ERCC2: variants seen among roughly 807,000 people sequenced by gnomAD.
ERCC2 encodes the protein ERCC excision repair 2, TFIIH core complex helicase subunit.
In ERCC2, 90 loss-of-function variants were observed where a neutral mutation model predicts 99.4. The ratio of observed to expected loss-of-function variants is 0.91; its 90% confidence interval spans 0.76 to 1.08. The LOEUF (loss-of-function observed/expected upper bound fraction) is 1.08, where lower values mean the gene tolerates loss of function less well. Ranked by LOEUF, ERCC2 falls within the 50% of genes least tolerant of loss-of-function variation. The probability of loss-of-function intolerance (pLI) is 0.00; values close to 1 mark genes in which losing one functional copy is unlikely to be tolerated. For synonymous variants in ERCC2, 497 were observed against 432.4 expected, an observed-to-expected ratio of 1.15 and a Z score of -1.85; for missense variants, 993 against 1,038.1, an observed-to-expected ratio of 0.96 and a Z score of 0.60.
At chr19:45,363,694 T>C in intron 11 of ERCC2, 49 bp downstream of exon 11, 1 of 1,512,228 alleles carries the variant, frequency 6.6e-7, no homozygotes, top group Non-Finnish European at 8.8e-7. Flanking sequence ...CGGCTCTGCA[T>C]AACCGGGACC....
chr19:45,365,010 G>T, intron 6 of ERCC2, 32 bp downstream of exon 6: 1 of 1,609,372 alleles, frequency 6.2e-7, no homozygotes, highest in Non-Finnish European at 8.5e-7. Context: ...TACCTGTCCT[G>T]CCTCCCTCCC....
chr19:45,351,931 G>A lies in ERCC2; in HGVS notation c.2191-210C>T, dbSNP rs936537098. ...CAGCTAGGGAGTCGGAGAAGGACCG[G>A]CTTTCTCCAGGCCAGCACCGTCTCT... is the stretch of plus-strand genomic sequence containing the variant. On this transcript the variant is annotated intron_variant, in intron 22 of 22. Coordinates refer to ENST00000391945, the MANE Select transcript of ERCC2 (RefSeq NM_000400.4). Among the ~76,000 whole-genome samples, 3 of 152,192 alleles carry A rather than the reference G, an allele frequency of 2.0e-5. No homozygotes were observed. In the East Asian group the frequency reaches 5.8e-4, roughly 29 times the overall value.
At position 45,351,225 on chromosome 19, in the gene ERCC2, A is replaced by AG; in HGVS notation, c.*403dup. The AG allele has an allele frequency of 6.3e-7, 1 of 1,591,062 alleles. No individual in the cohort carries two copies. Among genetic ancestry groups the AG allele is most frequent in the African/African-American group, 1.3e-5 (1 of 74,076 alleles). On this transcript the variant is annotated 3_prime_UTR_variant, in exon 23 of 23. Coordinates refer to ENST00000391945, the MANE Select transcript of ERCC2 (RefSeq NM_000400.4). ...GCTGCCAGGCTGGACCTGGAGCTGGAGGGTGGATGTAACACTTGCCCCTCA... is the reference window on the plus strand; with the variant it reads ...GCTGCCAGGCTGGACCTGGAGCTGGAGGGGTGGATGTAACACTTGCCCCTCA...
In ERCC2 at chr19:45,361,669, G is replaced by C. The variant is rs555213197; in HGVS notation, c.1119-27C>G. Reference sequence around the variant, plus strand: ...TGGCGGGGAGGAGAGACGGGGTCGGGGGGCAGACGGAAGCATGAGCAGGAC... The same window carrying C: ...TGGCGGGGAGGAGAGACGGGGTCGGCGGGCAGACGGAAGCATGAGCAGGAC... On this transcript the variant is annotated intron_variant, in intron 11 of 22. Coordinates refer to ENST00000391945, the MANE Select transcript of ERCC2 (RefSeq NM_000400.4). 1.7e-4 allele frequency: 261 copies of C among 1,529,730 alleles called. 6 individuals carry two copies. In the South Asian group the frequency reaches 2.7e-3, roughly 16 times the overall value. 94.8% of individuals were successfully genotyped at this position (1,529,730 alleles called of 1,614,324 possible). A position where few individuals can be genotyped will look rare whatever the true frequency, so the allele number is the denominator to read the frequency against.
rs190219395 is a variant in ERCC2, at chr19:45,356,186, G to A, written c.1480-458C>T. ...AGCCGGATCCCGAAGAACACCCCTC[G>A]CCATGCCGGCGGGCATCCCACCAGC... On this transcript the variant is annotated intron_variant, in intron 15 of 22. Coordinates refer to ENST00000391945, the MANE Select transcript of ERCC2 (RefSeq NM_000400.4). Among the ~76,000 whole-genome samples the A allele has an allele frequency of 2.2e-4, 34 of 152,148 alleles. No homozygotes were observed. The East Asian group carries it at 3.1e-3, about 14-fold the overall frequency.
At chr19:45,360,305 A>C (rs1010918637) in intron 12 of ERCC2, among the ~76,000 whole-genome samples, 1 of 149,124 alleles carries the variant, frequency 6.7e-6, no homozygotes, top group African/African-American at 2.5e-5. Context: ...GATGGTCTTG[A>C]TCTCCTGACC....
chr19:45,351,707 G>A lies in ERCC2; in HGVS notation c.2205C>T (p.Gly735=). 1.2e-6 allele frequency: 2 copies of A among 1,613,830 alleles called. No individual in the cohort carries two copies. The highest frequency in any genetic ancestry group is 1.3e-5 in the African/African-American group (1 of 75,040). ...GCTGCTCCAGGCTGAGCAGGGACAG[G>A]CCCAGCTGATCCTCCTGCAGAGAAC... The part of the protein sequence containing the change: ...AQPFHREDQL[G]LSLLSLEQLE... The change falls in exon 23 of 23, where the codon GGC becomes GGT. Residue 735 remains glycine, a synonymous_variant. Transcript: ENST00000391945.
At chr19:45,362,872 C>T (rs1244230489) in intron 11 of ERCC2, among the ~76,000 whole-genome samples, 1 of 152,230 alleles carries the variant, frequency 6.6e-6, no homozygotes, top group Non-Finnish European at 1.5e-5. Context: ...GGGCACAGTG[C>T]TGTGTGGCTC....
Position 45,350,052 on chromosome 19 carries a change from A to G in ERCC2, c.*1577T>C, listed in dbSNP as rs912340391. 1 of 472,140 alleles carries G rather than the reference A, an allele frequency of 2.1e-6. No homozygotes were observed. The highest frequency in any genetic ancestry group is 3.8e-5 in the Admixed American group (1 of 26,328). 29.2% of individuals were successfully genotyped at this position (472,140 alleles called of 1,614,324 possible). A position where few individuals can be genotyped will look rare whatever the true frequency, so the allele number is the denominator to read the frequency against. On this transcript the variant is annotated 3_prime_UTR_variant, in exon 23 of 23. Coordinates refer to ENST00000391945, the MANE Select transcript of ERCC2 (RefSeq NM_000400.4). ...CCTGTCCTCCATCCCCAGGGCAGGA[A>G]GTAAGGCCGAGCTCCAAACCCACTC...
chr19:45,350,393 AAG>A lies in ERCC2; in HGVS notation c.*1234_*1235del. 1 of 1,613,916 alleles carries A rather than the reference AAG, an allele frequency of 6.2e-7. No homozygotes were observed. Among genetic ancestry groups the A allele is most frequent in the Non-Finnish European group, 8.5e-7 (1 of 1,179,972 alleles). On this transcript the variant is annotated 3_prime_UTR_variant, in exon 23 of 23. Transcript: ENST00000391945. ...TATCAACAAGCGGAAGAGCTGTACA[AAG>A]AAATCCTCCACAAGGAGGACCTACC...
rs559154781 is a variant in ERCC2 at position 45,364,918 on chromosome 19, C to A, written c.514G>T (p.Ala172Ser). ...AGGTCATCCAGGTTGTAGATGCCAG[C>A]GGGGAGGGGCACCTCACGCCCATGG... is the stretch of plus-strand genomic sequence containing the variant. ...DAHGREVPLP[A>S]GIYNLDDLKA... Residue 172 changes from alanine to serine, a missense_variant, in exon 7 of 23, where the codon GCT becomes TCT. By Grantham distance (99) the Ala-to-Ser change is moderately conservative. Around this residue, in one of 3 missense-constraint regions of ERCC2, gnomAD observed 909 missense variants for 930.8 expected, o/e 0.98. Coordinates refer to ENST00000391945, the MANE Select transcript of ERCC2 (RefSeq NM_000400.4). 1.2e-6 allele frequency: 2 copies of A among 1,613,978 alleles called. No individual in the cohort carries two copies. Among genetic ancestry groups the A allele is most frequent in the Non-Finnish European group, 1.7e-6 (2 of 1,180,006 alleles).
At position 45,358,895 on chromosome 19, in the gene ERCC2, C is replaced by T. The variant is rs1972110060; in HGVS notation, c.1238-1196G>A. 4 of 780,704 alleles carry T rather than the reference C, an allele frequency of 5.1e-6. No homozygotes were observed. In the South Asian group the frequency reaches 5.4e-5, roughly 10 times the overall value. The allele number at this position is 780,704 out of a possible 1,614,324, so 48.4% of individuals were successfully genotyped here. Reference sequence around the variant, plus strand: ...GATCTTTTTTGGTTCCTGCTGCTTCCACAGTGCTGAGCCTGGCCTGTTTGT... The same window carrying T: ...GATCTTTTTTGGTTCCTGCTGCTTCTACAGTGCTGAGCCTGGCCTGTTTGT... On this transcript the variant is annotated intron_variant, in intron 12 of 22. Coordinates refer to ENST00000391945, the MANE Select transcript of ERCC2 (RefSeq NM_000400.4).
intron 11 of ERCC2, 58 bp from the exon 12 acceptor site, chr19:45,361,700 G>A: frequency 8.0e-7 from 1 of 1,256,470 alleles, no homozygotes; most frequent in Non-Finnish European, 1.2e-6. Context: ...AGGACCAGCA[G>A]CCCTGCCTCC....
chr19:45,362,197 G>A (rs1330998286), intron 11 of ERCC2, among the ~76,000 whole-genome samples: 1 of 152,078 alleles, frequency 6.6e-6, no homozygotes, highest in Non-Finnish European at 1.5e-5. Flanking sequence ...GTGCTGGGAT[G>A]ACAGGTGTGA....
rs777548567 is a variant in ERCC2 at position 45,350,580 on chromosome 19, G to T, written c.*1049C>A. ...AGGATGGGCTGTGCTTCGGCTCCTG[G>T]GGTGGGCGTGGGGACTGCATGGGCC... is the stretch of plus-strand genomic sequence containing the variant. On this transcript the variant is annotated 3_prime_UTR_variant, in exon 23 of 23. Transcript: ENST00000391945. 16 of 1,613,898 alleles carry T rather than the reference G, an allele frequency of 9.9e-6. No individual in the cohort carries two copies. In the South Asian group the frequency reaches 1.8e-4, roughly 18 times the overall value.
chr19:45,366,394 G>A (rs1019566883), intron 5 of ERCC2, among the ~76,000 whole-genome samples: 9 of 151,106 alleles, frequency 6.0e-5, no homozygotes, highest in Non-Finnish European at 1.2e-4. Flanking sequence ...CACCCGCCTC[G>A]GCCTCCCAAA....
chr19:45,369,155 T>G lies in ERCC2; in HGVS notation c.106-8A>C. The G allele has an allele frequency of 6.2e-7, 1 of 1,613,598 alleles. No individual in the cohort carries two copies. The highest frequency in any genetic ancestry group is 1.7e-5 in the Admixed American group (1 of 59,990). On this transcript the variant is annotated splice_region_variant and splice_polypyrimidine_tract_variant and intron_variant, in intron 2 of 22. Coordinates refer to ENST00000391945, the MANE Select transcript of ERCC2 (RefSeq NM_000400.4). ...CTCCAGGACTCCATGACCCTGCATG[T>G]TGGGGACCAGAGGGGCAACACACAG...
Position 45,351,474 on chromosome 19 carries a change from G to A in ERCC2, c.*155C>T, listed in dbSNP as rs996973339. The A allele has an allele frequency of 6.3e-7, 1 of 1,585,688 alleles. No individual in the cohort carries two copies. The highest frequency in any genetic ancestry group is 8.5e-7 in the Non-Finnish European group (1 of 1,170,154). ...CCCCCTTGCCTCTGGGTACCTGGTG[G>A]ATAGCTGCCTTCTCCTGCGATTAAA... On this transcript the variant is annotated 3_prime_UTR_variant, in exon 23 of 23. Transcript: ENST00000391945.
intron 2 of ERCC2, 71 bp downstream of exon 2, chr19:45,370,062 C>A (rs931330043): frequency 5.2e-5 from 74 of 1,426,042 alleles, no homozygotes; most frequent in Non-Finnish European, 1.5e-5. Context: ...AGACGTCCTG[C>A]AATCTGTCTT....
Sources: gnomAD v4.1 joint callset for allele counts (sites outside exome capture counted in the v4.1 genomes callset) on GRCh38, gnomAD v4.1.1 for gene constraint, gnomAD v4.1.1 regional missense constraint, MANE v1.5 for transcripts, NCBI Gene and HGNC (gene_info 2026-07-23, HGNC 2026-07-21) for gene names.